The following SLC12A8 variants were observed in gnomAD, a reference collection of about 807,000 sequenced individuals.
SLC12A8 encodes the protein cation-chloride cotransporter 9.
Under a neutral mutation model 75.6 loss-of-function variants are expected in SLC12A8, and 69 were observed. That is an observed-to-expected ratio of 0.91 (90% CI 0.75 to 1.11). The LOEUF is 1.11. Among genes scored for constraint, SLC12A8 ranks in the 50% most tolerant of loss-of-function variants. SLC12A8 has a pLI of 0.00. For synonymous variants in SLC12A8, 365 were observed against 372.8 expected, an observed-to-expected ratio of 0.98 and a Z score of 0.24; for missense variants, 877 against 896.7, an observed-to-expected ratio of 0.98 and a Z score of 0.28.
chr3:125,203,069 C>A (rs1425496039), intron 2 of SLC12A8, among the ~76,000 whole-genome samples: 71 of 86,330 alleles, frequency 8.2e-4, no homozygotes, highest in African/African-American at 3.2e-3. Context: ...GCCTGGGGGA[C>A]AAGAGCGAGA....
chr3:125,092,334 A>G (rs1388796908), intron 10 of SLC12A8, 136 bp from the exon 11 acceptor site: 2 of 559,340 alleles, frequency 3.6e-6, no homozygotes, highest in East Asian at 6.6e-5. Context: ...TTGCTCTTGC[A>G]GAAGGAAGAA....
chr3:125,180,357 G>A (rs1934632179), intron 4 of SLC12A8, among the ~76,000 whole-genome samples: 1 of 152,140 alleles, frequency 6.6e-6, no homozygotes, highest in Admixed American at 6.5e-5. Context: ...GTTACTGTGA[G>A]AACTAAATGA....
At chr3:125,153,352 A>G (rs538928680) in intron 5 of SLC12A8, among the ~76,000 whole-genome samples, 1 of 152,170 alleles carries the variant, frequency 6.6e-6, no homozygotes, top group Admixed American at 6.5e-5. Context: ...CATCCAAGGT[A>G]TGGGGATTTT....
Position 125,211,310 on chromosome 3 carries a change from C to A in SLC12A8, c.40G>T (p.Ala14Ser), listed in dbSNP as rs764602150. 1 of 1,613,548 alleles carries A rather than the reference C, an allele frequency of 6.2e-7. No individual in the cohort carries two copies. The highest frequency in any genetic ancestry group is 1.3e-5 in the African/African-American group (1 of 74,918). Residue 14 changes from alanine (A) to serine (S), a missense_variant, in exon 2 of 14, where the codon GCA (alanine) becomes TCA (serine). By Grantham distance (99) the Ala-to-Ser change is moderately conservative (BLOSUM62 1). Coordinates refer to ENST00000469902, the MANE Select transcript of SLC12A8 (RefSeq NM_024628.6). ...CATCCTGAGCCTACCTGCTGGGCTG[C>A]CTCATGGAAGAGCTCCTGCACCTGG... ...MSQVQELFHE[A>S]AQQDALAQPQ...
At chr3:125,146,346 A>G (rs1166551905) in intron 5 of SLC12A8, among the ~76,000 whole-genome samples, 1 of 152,182 alleles carries the variant, frequency 6.6e-6, no homozygotes, top group Non-Finnish European at 1.5e-5. Context: ...TTGGACGCAA[A>G]TGGTTAGGAT....
At position 125,181,251 on chromosome 3, in the gene SLC12A8, A is replaced by G. The variant is rs1560078137; in HGVS notation, c.391-3277T>C. Among the ~76,000 whole-genome samples, 10 of 152,368 alleles carry G rather than the reference A, an allele frequency of 6.6e-5. No individual in the cohort carries two copies. The South Asian group carries it at 2.1e-3, about 32-fold the overall frequency. On this transcript the variant is annotated intron_variant, in intron 4 of 13. Coordinates refer to ENST00000469902, the MANE Select transcript of SLC12A8 (RefSeq NM_024628.6). ...TTTTATTCAAAAACTCAAGAGGCAT[A>G]ACTAAACTTGGGTTCAGAAGAGAAA...
chr3:125,182,090 C>T (rs1934677013), intron 4 of SLC12A8, among the ~76,000 whole-genome samples: 1 of 152,096 alleles, frequency 6.6e-6, no homozygotes, highest in Admixed American at 6.6e-5. Flanking sequence ...TTTGGGACAC[C>T]AAAGTGGGAG....
intron 4 of SLC12A8, among the ~76,000 whole-genome samples, chr3:125,183,015 C>T (rs1934699892): frequency 6.6e-6 from 1 of 152,102 alleles, no homozygotes; most frequent in South Asian, 2.1e-4. Context: ...TTAAAAAATA[C>T]AAGCAAACAT....
intron 4 of SLC12A8, among the ~76,000 whole-genome samples, chr3:125,185,312 C>CG (rs1471804252): frequency 6.7e-6 from 1 of 149,348 alleles, no homozygotes; most frequent in Non-Finnish European, 1.5e-5. Flanking sequence ...AAGAGCAAAA[C>CG]GGCGTCTCAA....
chr3:125,127,539 G>A (rs1308031768), intron 6 of SLC12A8, among the ~76,000 whole-genome samples: 4 of 152,134 alleles, frequency 2.6e-5, no homozygotes, highest in African/African-American at 9.7e-5. Flanking sequence ...GGTTCCATGC[G>A]GCCTGAAATT....
At chr3:125,149,810 G>T (rs925440079) in intron 5 of SLC12A8, among the ~76,000 whole-genome samples, 3 of 152,104 alleles carry the variant, frequency 2.0e-5, no homozygotes, top group Non-Finnish European at 4.4e-5. Context: ...AAAGCATAAA[G>T]GAAGAAAGGA....
intron 12 of SLC12A8, among the ~76,000 whole-genome samples, chr3:125,090,162 G>A (rs956991831): frequency 6.6e-5 from 10 of 152,154 alleles, no homozygotes; most frequent in South Asian, 4.1e-4. Context: ...TCCTGCCTTA[G>A]CCCTCCAAGT....
At chr3:125,093,389 C>A (rs1013098031) in intron 10 of SLC12A8, among the ~76,000 whole-genome samples, 1 of 152,142 alleles carries the variant, frequency 6.6e-6, no homozygotes, top group Non-Finnish European at 1.5e-5. Flanking sequence ...TCTGCCCAGC[C>A]CTTCCTTCTT....
At chr3:125,135,630 C>T (rs772293058) in intron 6 of SLC12A8, 39 bp downstream of exon 6, 33 of 1,354,456 alleles carry the variant, frequency 2.4e-5, no homozygotes, top group Non-Finnish European at 3.4e-5. Context: ...GAATGTATAC[C>T]CCTAATTTGA....
chr3:125,151,214 T>C (rs1933915286), intron 5 of SLC12A8: 1 of 152,300 alleles, frequency 6.6e-6, no homozygotes, highest in Admixed American at 6.5e-5. Context: ...AGGAGGCTAA[T>C]TGGAGAAGGT....
intron 5 of SLC12A8, among the ~76,000 whole-genome samples, chr3:125,156,420 G>A (rs867475392): frequency 5.3e-5 from 8 of 152,276 alleles, no homozygotes; most frequent in African/African-American, 7.2e-5. Flanking sequence ...CCAGTGGCGC[G>A]AGAAAAGTAA....
intron 5 of SLC12A8, among the ~76,000 whole-genome samples, chr3:125,143,421 T>C (rs1314743323): frequency 6.6e-6 from 1 of 152,262 alleles, no homozygotes; most frequent in African/African-American, 2.4e-5. Flanking sequence ...CAAAGAGTCC[T>C]GGGCGTGAGC....
At chr3:125,112,667 T>C (rs1445178852) in intron 8 of SLC12A8, among the ~76,000 whole-genome samples, 1 of 152,232 alleles carries the variant, frequency 6.6e-6, no homozygotes, top group Non-Finnish European at 1.5e-5. Context: ...TGATCATTCA[T>C]CGATAACCTT....
chr3:125,158,365 C>A (rs900067921), intron 5 of SLC12A8, among the ~76,000 whole-genome samples: 64 of 152,252 alleles, frequency 4.2e-4, no homozygotes, highest in African/African-American at 1.5e-3. Context: ...GAATTACAGG[C>A]ATGTGCCACC....
Sources: allele counts gnomAD v4.1 joint callset (sites outside exome capture counted in the v4.1 genomes callset), GRCh38; gene constraint gnomAD v4.1.1; transcripts MANE v1.5; gene names NCBI Gene and HGNC (gene_info 2026-07-23, HGNC 2026-07-21).